The following MARCHF1 variants were observed in gnomAD, a reference collection of about 807,000 sequenced individuals.
MARCHF1 encodes E3 ubiquitin-protein ligase MARCHF1.
Under a neutral mutation model 54.2 loss-of-function variants are expected in MARCHF1, and 40 were observed. The ratio of observed to expected loss-of-function variants is 0.74; its 90% CI spans 0.57 to 0.96. The LOEUF (loss-of-function observed/expected upper bound fraction) is 0.96, where lower values mean the gene tolerates loss of function less well. Among genes scored for constraint, MARCHF1 ranks in the 40% least tolerant of loss-of-function variants. The pLI is 0.00. For missense variants in MARCHF1, 586 were observed against 656.5 expected (o/e 0.89, Z 1.17); for synonymous variants, 236 against 236.3 (o/e 1.00, Z 0.01).
intron 4 of MARCHF1, among the ~76,000 whole-genome samples, chr4:163,814,913 T>A (rs1009231606): frequency 6.6e-6 from 1 of 152,172 alleles, no homozygotes; most frequent in African/African-American, 2.4e-5. Context: ...TTTTAGAATA[T>A]CATTAGTTAT....
chr4:164,313,581 C>A (rs933674840), intron 1 of MARCHF1, among the ~76,000 whole-genome samples: 2 of 152,098 alleles, frequency 1.3e-5, no homozygotes, highest in Admixed American at 1.3e-4. Flanking sequence ...ATGGTCTCTG[C>A]CAGGGCTCCA....
chr4:164,194,671 T>C (rs1183380525), intron 1 of MARCHF1, among the ~76,000 whole-genome samples: 1 of 152,160 alleles, frequency 6.6e-6, no homozygotes, highest in Non-Finnish European at 1.5e-5. Context: ...ACGCATTTAA[T>C]GGATTTTCAA....
In MARCHF1 at chr4:163,793,725, T is replaced by C. The variant is rs574066345; in HGVS notation, c.111+60296A>G. Reference sequence around the variant, plus strand: ...TATGTTATCTATAGATTACAGACATTGTACAGAAAAGCACTGTGAAAATCC... The same window carrying C: ...TATGTTATCTATAGATTACAGACATCGTACAGAAAAGCACTGTGAAAATCC... On this transcript the variant is annotated intron_variant, in intron 4 of 9. Transcript: ENST00000514618. Among the ~76,000 whole-genome samples the C allele has an allele frequency of 2.8e-3, 425 of 152,282 alleles. 3 individuals carry two copies. Among genetic ancestry groups the C allele is most frequent in the Non-Finnish European group, 5.1e-3 (347 of 68,022 alleles).
intron 4 of MARCHF1, among the ~76,000 whole-genome samples, chr4:163,784,166 G>A (rs527762317): frequency 1.5e-4 from 22 of 149,842 alleles, no homozygotes; most frequent in Non-Finnish European, 3.1e-4. Flanking sequence ...ACTCTAGGGT[G>A]GATAGTTTCA....
chr4:163,613,517 G>T (rs748183043), intron 5 of MARCHF1, 124 bp from the exon 6 acceptor site: 15 of 1,603,852 alleles, frequency 9.4e-6, no homozygotes, highest in Non-Finnish European at 1.3e-5. Context: ...TGCTTATAAT[G>T]CAGAACAGAG....
intron 1 of MARCHF1, among the ~76,000 whole-genome samples, chr4:164,123,563 A>T (rs1227733595): frequency 1.3e-5 from 2 of 152,120 alleles, no homozygotes; most frequent in African/African-American, 4.8e-5. Context: ...CTGCAAAGCT[A>T]TAGTAACCAA....
chr4:164,063,249 C>A (rs142924663), intron 2 of MARCHF1, among the ~76,000 whole-genome samples: 3 of 152,360 alleles, frequency 2.0e-5, no homozygotes, highest in African/African-American at 7.2e-5. Flanking sequence ...CTTTGAAGCT[C>A]TGAGTCCTGG....
rs534229624 is a variant in MARCHF1 at position 164,033,064 on chromosome 4, C to G, written c.-247-44355G>C. 2.0e-5 allele frequency among the ~76,000 whole-genome samples: 3 copies of G among 151,874 alleles called. No homozygotes were observed. In the East Asian group the frequency reaches 5.8e-4, roughly 29 times the overall value. ...AAACAAGCAATGGGGAAAGAATTCT[C>G]TATTTAATAAATGGTGCTGAGGTCG... On this transcript the variant is annotated intron_variant, in intron 2 of 9. Transcript: ENST00000514618.
intron 7 of MARCHF1, among the ~76,000 whole-genome samples, chr4:163,598,213 A>C (rs1477338296): frequency 6.6e-6 from 1 of 152,110 alleles, no homozygotes; most frequent in African/African-American, 2.4e-5. Flanking sequence ...CATCATTTGC[A>C]TTTTCAGATC....
At chr4:163,816,487 A>G (rs1004457984) in intron 4 of MARCHF1, among the ~76,000 whole-genome samples, 1 of 151,920 alleles carries the variant, frequency 6.6e-6, no homozygotes, top group Non-Finnish European at 1.5e-5. Context: ...ATCTTTAATG[A>G]TACTACCACT....
intron 1 of MARCHF1, among the ~76,000 whole-genome samples, chr4:164,171,460 A>G (rs1006200196): frequency 6.6e-6 from 1 of 152,158 alleles, no homozygotes; most frequent in African/African-American, 2.4e-5. Context: ...TTGAATTATC[A>G]AATGTTTATC....
At chr4:163,804,954 A>T (rs911683556) in intron 4 of MARCHF1, among the ~76,000 whole-genome samples, 1 of 152,298 alleles carries the variant, frequency 6.6e-6, no homozygotes, top group Middle Eastern at 3.4e-3. Flanking sequence ...TCGAAATGAG[A>T]CTACAATAAA....
chr4:163,764,340 G>A (rs1040203603), intron 4 of MARCHF1, among the ~76,000 whole-genome samples: 1 of 152,012 alleles, frequency 6.6e-6, no homozygotes, highest in East Asian at 1.9e-4. Context: ...GACTATGTAA[G>A]GGTAAGAAAT....
At chr4:163,586,584 G>C (rs1008392885) in intron 7 of MARCHF1, among the ~76,000 whole-genome samples, 26 of 152,172 alleles carry the variant, frequency 1.7e-4, no homozygotes, top group African/African-American at 6.3e-4. Flanking sequence ...TTACACACCA[G>C]CACATCAACA....
chr4:163,553,333 A>T (rs902428582), intron 8 of MARCHF1, among the ~76,000 whole-genome samples: 1 of 152,220 alleles, frequency 6.6e-6, no homozygotes, highest in Non-Finnish European at 1.5e-5. Flanking sequence ...GTCTAGATTA[A>T]TGCGTCATGC....
chr4:163,811,242 A>G (rs1748375638), intron 4 of MARCHF1, among the ~76,000 whole-genome samples: 1 of 151,068 alleles, frequency 6.6e-6, no homozygotes, highest in African/African-American at 2.4e-5. Flanking sequence ...CTGTTTTAAG[A>G]TTTTTAGTGG....
chr4:163,819,764 A>G (rs1579312511), intron 4 of MARCHF1, among the ~76,000 whole-genome samples: 1 of 152,200 alleles, frequency 6.6e-6, no homozygotes, highest in East Asian at 1.9e-4. Flanking sequence ...CAACTTGCAT[A>G]TGCACCTACA....
At chr4:164,364,800 C>T (rs1730834261) in intron 1 of MARCHF1, among the ~76,000 whole-genome samples, 2 of 151,330 alleles carry the variant, frequency 1.3e-5, no homozygotes, top group Admixed American at 6.6e-5. Context: ...CACATATTTC[C>T]CTCACCATTT....
At chr4:164,292,562 A>G (rs572287741) in intron 1 of MARCHF1, among the ~76,000 whole-genome samples, 1 of 152,322 alleles carries the variant, frequency 6.6e-6, no homozygotes, top group African/African-American at 2.4e-5. Flanking sequence ...GAACTACCAT[A>G]GTGTTGCAGG....
Sources: gnomAD v4.1 joint callset for allele counts (sites outside exome capture counted in the v4.1 genomes callset) on GRCh38, gnomAD v4.1.1 for gene constraint, MANE v1.5 for transcripts, NCBI Gene and HGNC (gene_info 2026-07-23, HGNC 2026-07-21) for gene names.